The following FPGS variants were observed in gnomAD, a reference collection of about 807,000 sequenced individuals.
FPGS encodes the protein folylpolyglutamate synthase.
In FPGS, 53 loss-of-function variants were observed where a neutral mutation model predicts 66.5. That is an observed-to-expected ratio of 0.80 (90% CI 0.64 to 1.00). The LOEUF (loss-of-function observed/expected upper bound fraction) is 1.00. Ranked by LOEUF, FPGS falls within the 50% of genes least tolerant of loss-of-function variation. The pLI is 0.00. For synonymous variants in FPGS, 348 were observed against 350.9 expected (o/e 0.99, Z 0.09); for missense variants, 702 against 807.7 (o/e 0.87, Z 1.59).
chr9:127,807,930 ACT>A lies in FPGS; in HGVS notation c.744+245_744+246del, dbSNP rs1021540034. The A allele has an allele frequency of 3.6e-6, 2 of 562,430 alleles. No individual in the cohort carries two copies. The highest frequency in any genetic ancestry group is 3.3e-5 in the Admixed American group (1 of 30,298). 34.8% of individuals were successfully genotyped at this position (562,430 alleles called of 1,614,324 possible). A position where few individuals can be genotyped will look rare whatever the true frequency, so the allele number is the denominator to read the frequency against. On this transcript the variant is annotated intron_variant, in intron 8 of 14. Transcript: ENST00000373247. The surrounding 1 kb of genome is among the most constrained non-coding windows in gnomAD (Gnocchi z 5.8). ...AGACCAGCCTGACCAATATGGGGAAACTCTGTCTCTACTAAAAATACAAAAAT... is the reference window on the plus strand; with the variant it reads ...AGACCAGCCTGACCAATATGGGGAAACTGTCTCTACTAAAAATACAAAAAT...
chr9:127,813,343 TCTG>T lies in FPGS; in HGVS notation c.1504_1506del (p.Leu502del), dbSNP rs764078344. ...AGCCCGGTGGGTCCGCATCCCTGCT[TCTG>T]GCGCCCCACCCACCCCACACCTGCA... On this transcript the variant is annotated inframe_deletion, in exon 15 of 15. Transcript: ENST00000373247. The T allele has an allele frequency of 6.2e-7, 1 of 1,612,934 alleles. No homozygotes were observed. The highest frequency in any genetic ancestry group is 2.2e-5 in the East Asian group (1 of 44,856).
At chr9:127,803,108 G>T (rs913087646) in intron 1 of FPGS, 46 bp downstream of exon 1, 8 of 1,338,956 alleles carry the variant, frequency 6.0e-6, no homozygotes, top group South Asian at 1.9e-5. Flanking sequence ...GCGACGACAC[G>T]TGGGCCTGCG....
At chr9:127,804,210 T>G (rs1196293818) in intron 1 of FPGS, 75 bp from the exon 2 acceptor site, 1 of 1,564,668 alleles carries the variant, frequency 6.4e-7, no homozygotes, top group African/African-American at 1.3e-5. Flanking sequence ...GCTTGGCCAC[T>G]GGTCTGCTGG....
At chr9:127,812,688 TTTG>T (rs1830127770) in intron 14 of FPGS, among the ~76,000 whole-genome samples, 1 of 138,958 alleles carries the variant, frequency 7.2e-6, no homozygotes, top group African/African-American at 2.5e-5. Flanking sequence ...CCAGCTAATT[TTTG>T]TGTGTGTGTG....
chr9:127,808,055 G>A (rs1048637125), intron 8 of FPGS, 179 bp from the exon 9 acceptor site: 11 of 598,720 alleles, frequency 1.8e-5, no homozygotes, highest in South Asian at 1.2e-4. Context: ...GCAGTGAGCC[G>A]AGATTGCGCC....
chr9:127,807,911 G>C lies in FPGS; in HGVS notation c.744+223G>C. The C allele has an allele frequency of 1.7e-6, 1 of 573,774 alleles. No homozygotes were observed. Among genetic ancestry groups the C allele is most frequent in the Non-Finnish European group, 3.1e-6 (1 of 326,482 alleles). 35.5% of individuals were successfully genotyped at this position (573,774 alleles called of 1,614,324 possible). On this transcript the variant is annotated intron_variant, in intron 8 of 14. Transcript: ENST00000373247. The surrounding 1 kb of genome is among the most constrained non-coding windows in gnomAD (Gnocchi z 5.8). ...ACCTGAGATCCGGAGTTTGAGACCA[G>C]CCTGACCAATATGGGGAAACTCTGT...
At chr9:127,803,722 G>A (rs1256475518) in intron 1 of FPGS, among the ~76,000 whole-genome samples, 2 of 152,078 alleles carry the variant, frequency 1.3e-5, no homozygotes, top group African/African-American at 2.4e-5. Flanking sequence ...GAATGAAATA[G>A]CACCCCCACT....
In FPGS at chr9:127,813,244, G is replaced by A; in HGVS notation, c.1404G>A (p.Leu468=). 6.2e-7 allele frequency: 1 copy of A among 1,610,510 alleles called. No individual in the cohort carries two copies. The highest frequency in any genetic ancestry group is 8.5e-7 in the Non-Finnish European group (1 of 1,178,316). ...VTLDQVLLRC[L]EHQQHWNHLD... The stretch of plus-strand genomic sequence containing the variant: ...TGGACCAGGTCCTGCTCCGCTGCCT[G>A]GAACACCAGCAGCACTGGAACCACC... Residue 468 remains leucine (L), a synonymous_variant, in exon 15 of 15, where the codon CTG becomes CTA. Transcript: ENST00000373247.
Position 127,806,974 on chromosome 9 carries a change from T to A in FPGS, c.388T>A (p.Ser130Thr). ...TGATGACCCCAGCTGTCCCGGCAGC[T>A]CTCCCCACCTGGTGCAGGTTCGGGA... is the stretch of plus-strand genomic sequence containing the variant. Reference protein sequence around the residue: ...SYGLKTGFFSSPHLVQVRERI... With the variant: ...SYGLKTGFFSTPHLVQVRERI... Residue 130 changes from serine to threonine, a missense_variant and splice_region_variant, in exon 5 of 15, where the codon TCT (serine) becomes ACT (threonine). Transcript: ENST00000373247. The A allele has an allele frequency of 1.9e-6, 3 of 1,613,248 alleles. No homozygotes were observed. The highest frequency in any genetic ancestry group is 2.5e-6 in the Non-Finnish European group (3 of 1,179,460).
chr9:127,803,591 C>T (rs761572280), intron 1 of FPGS, among the ~76,000 whole-genome samples: 8 of 152,092 alleles, frequency 5.3e-5, no homozygotes, highest in Non-Finnish European at 8.8e-5. Flanking sequence ...TGTCAAGAGC[C>T]GGTTGCCCTA....
At chr9:127,810,573 C>T (rs1019068508) in intron 13 of FPGS, among the ~76,000 whole-genome samples, 1 of 152,076 alleles carries the variant, frequency 6.6e-6, no homozygotes, top group African/African-American at 2.4e-5. Context: ...CCCTAGGTAT[C>T]ATCTCCCATT....
chr9:127,806,872 G>A, intron 4 of FPGS, 101 bp from the exon 5 acceptor site: 1 of 847,018 alleles, frequency 1.2e-6, no homozygotes, highest in East Asian at 2.4e-5. Context: ...AGGGACACAG[G>A]AGAGATGAGG....
chr9:127,810,441 C>A (rs374034894), intron 13 of FPGS, among the ~76,000 whole-genome samples: 1 of 152,092 alleles, frequency 6.6e-6, no homozygotes, highest in South Asian at 2.1e-4. Flanking sequence ...CCTCAGTTTG[C>A]CTCTCCGTAA....
rs903301486 is a variant in FPGS at position 127,810,193 on chromosome 9, C to G, written c.1287+87C>G. Reference sequence around the variant, plus strand: ...ACCCTGGGGGGTGCCAATCCCCTCCCCCTTGAGTTGTATTGAGGATTAGAT... The same window carrying G: ...ACCCTGGGGGGTGCCAATCCCCTCCGCCTTGAGTTGTATTGAGGATTAGAT... On this transcript the variant is annotated intron_variant, in intron 13 of 14. Transcript: ENST00000373247. 1.0e-4 allele frequency: 111 copies of G among 1,112,228 alleles called. 1 individual carries two copies. The Middle Eastern group carries it at 2.0e-3, about 20-fold the overall frequency. 68.9% of individuals were successfully genotyped at this position (1,112,228 alleles called of 1,614,324 possible). A position where few individuals can be genotyped will look rare whatever the true frequency, so the allele number is the denominator to read the frequency against.
rs758697397 is a variant in FPGS at position 127,808,883 on chromosome 9, C to T, written c.1054C>T (p.Arg352Trp). The change falls in exon 11 of 15, where the codon CGG (arginine) becomes TGG (tryptophan). Residue 352 changes from arginine to tryptophan, a missense_variant. By Grantham distance (101) the Arg-to-Trp change is moderately radical. Transcript: ENST00000373247. ...APVFQPTSHM[R>W]LGLRNTEWPG... ...TGTGTTCCAGCCCACATCCCACATG[C>T]GGCTCGGTGAGTTAGACCTTCCTGC... 24 of 1,559,608 alleles carry T rather than the reference C, an allele frequency of 1.5e-5. No homozygotes were observed. Among genetic ancestry groups the T allele is most frequent in the Non-Finnish European group, 1.9e-5 (22 of 1,152,382 alleles).
chr9:127,808,493 G>C, intron 9 of FPGS, 65 bp from the exon 10 acceptor site: 2 of 1,594,726 alleles, frequency 1.3e-6, no homozygotes, highest in South Asian at 1.1e-5. Context: ...GGGGAGGGGA[G>C]AGATGCAAGG....
Position 127,803,030 on chromosome 9 carries a change from C to T in FPGS, c.106C>T (p.Pro36Ser). 1 of 1,455,254 alleles carries T rather than the reference C, an allele frequency of 6.9e-7. No homozygotes were observed. Among genetic ancestry groups the T allele is most frequent in the Non-Finnish European group, 9.0e-7 (1 of 1,113,072 alleles). The allele number at this position is 1,455,254 out of a possible 1,614,324, so 90.1% of individuals were successfully genotyped here. A position where few individuals can be genotyped will look rare whatever the true frequency, so the allele number is the denominator to read the frequency against. Residue 36 changes from proline (P) to serine (S), a missense_variant, in exon 1 of 15, where the codon CCG becomes TCG. Physicochemically the swap from Pro to Ser is moderately conservative, Grantham distance 74 (BLOSUM62 -1). Transcript: ENST00000373247. ...GGCGCGGCGGGGCTTGAGCGCGTGG[C>T]CGGTGCCGCAGGAGCCGAGCATGGA... ...VAARRGLSAW[P>S]VPQEPSMEYQ...
At chr9:127,810,194 C>A in intron 13 of FPGS, 88 bp downstream of exon 13, 1 of 1,109,720 alleles carries the variant, frequency 9.0e-7, no homozygotes, top group South Asian at 1.3e-5. Context: ...ATCCCCTCCC[C>A]CTTGAGTTGT....
rs1201398636 is a variant in FPGS, at chr9:127,807,904, G to C, written c.744+216G>C. 2 of 573,172 alleles carry C rather than the reference G, an allele frequency of 3.5e-6. No individual in the cohort carries two copies. Among genetic ancestry groups the C allele is most frequent in the African/African-American group, 3.8e-5 (2 of 53,108 alleles). The allele number at this position is 573,172 out of a possible 1,614,324, so 35.5% of individuals were successfully genotyped here. A position where few individuals can be genotyped will look rare whatever the true frequency, so the allele number is the denominator to read the frequency against. On this transcript the variant is annotated intron_variant, in intron 8 of 14. Transcript: ENST00000373247. This position sits in a 1 kb window ranked among gnomAD's most constrained non-coding sequence, Gnocchi z 5.8. The stretch of plus-strand genomic sequence containing the variant: ...GAGGATCACCTGAGATCCGGAGTTT[G>C]AGACCAGCCTGACCAATATGGGGAA...
Sources: allele counts gnomAD v4.1 joint callset (sites outside exome capture counted in the v4.1 genomes callset), GRCh38; gene constraint gnomAD v4.1.1; non-coding constraint Gnocchi (gnomAD v3.1); transcripts MANE v1.5; gene names NCBI Gene and HGNC (gene_info 2026-07-23, HGNC 2026-07-21).